MUC4: variants seen among roughly 807,000 people sequenced by gnomAD.
MUC4 encodes mucin 4, cell surface associated, also known as mucin-4.
Under a neutral mutation model 257.9 loss-of-function variants are expected in MUC4, and 202 were observed. The observed-to-expected ratio is 0.78, with a 90% CI of 0.70 to 0.88. The LOEUF is 0.88. Ranked by LOEUF, MUC4 falls within the 40% of genes least tolerant of loss-of-function variation. The pLI, the probability that MUC4 is intolerant of heterozygous loss-of-function variation, is 0.00. For synonymous variants in MUC4, 2,351 were observed against 2,757.1 expected (o/e 0.85, Z 4.62); for missense variants, 5,976 against 6,513.7 (o/e 0.92, Z 2.84).
At chr3:195,753,291 C>A (rs942806994) in intron 19 of MUC4, 61 bp from the exon 20 acceptor site, 4 of 1,522,996 alleles carry the variant, frequency 2.6e-6, no homozygotes, top group Non-Finnish European at 3.6e-6. Context: ...CGGCCCAGCC[C>A]GTGGAAACCC....
intron 15 of MUC4, 66 bp downstream of exon 15, chr3:195,761,418 G>A (rs1286345798): frequency 1.5e-6 from 2 of 1,355,372 alleles, no homozygotes; most frequent in Non-Finnish European, 2.1e-6. Flanking sequence ...AGGGCCGAGG[G>A]GGACGACATA....
chr3:195,758,726 CTTTT>C (rs55919005), intron 17 of MUC4, among the ~76,000 whole-genome samples: 12 of 135,146 alleles, frequency 8.9e-5, no homozygotes, highest in Non-Finnish European at 1.4e-4. Flanking sequence ...CCATGCCTGG[CTTTT>C]TTTTTTTTTT....
chr3:195,811,884 G>A lies in MUC4; in HGVS notation c.-67C>T. 1 of 1,490,250 alleles carries A rather than the reference G, an allele frequency of 6.7e-7. No individual in the cohort carries two copies. Among genetic ancestry groups the A allele is most frequent in the Non-Finnish European group, 9.3e-7 (1 of 1,076,670 alleles). The allele number at this position is 1,490,250 out of a possible 1,614,324, so 92.3% of individuals were successfully genotyped here. A position where few individuals can be genotyped will look rare whatever the true frequency, so the allele number is the denominator to read the frequency against. On this transcript the variant is annotated 5_prime_UTR_variant, in exon 1 of 25. Coordinates refer to ENST00000463781, the MANE Select transcript of MUC4 (RefSeq NM_018406.7). ...CGGCCCAGCAGCTGCAGTGTGAGGA[G>A]CAGACGTGAGCCCGTCCCCTCAGGC...
intron 5 of MUC4, chr3:195,771,002 T>C: frequency 2.8e-6 from 1 of 356,448 alleles, no homozygotes; most frequent in Non-Finnish European, 5.7e-6. Flanking sequence ...GGGGTATTCC[T>C]GGTCAGTCTC....
rs947551711 is a variant in MUC4, at chr3:195,755,873, G to A, written c.15168+1274C>T. Among the ~76,000 whole-genome samples the A allele has an allele frequency of 6.6e-6, 1 of 152,074 alleles. No homozygotes were observed. The highest frequency in any genetic ancestry group is 2.1e-4 in the South Asian group (1 of 4,826). On this transcript the variant is annotated intron_variant, in intron 18 of 24. Coordinates refer to ENST00000463781, the MANE Select transcript of MUC4 (RefSeq NM_018406.7). The surrounding 1 kb of genome is among the most constrained non-coding windows in gnomAD (Gnocchi z 5.0). Reference sequence around the variant, plus strand: ...GATGTGTGTGTGTGTCTGTGTGTGCGTGTGCATGCGTGTGTGTGTAAGTGG... The same window carrying A: ...GATGTGTGTGTGTGTCTGTGTGTGCATGTGCATGCGTGTGTGTGTAAGTGG...
At chr3:195,792,147 T>G (rs1262281881) in intron 1 of MUC4, among the ~76,000 whole-genome samples, 1 of 152,072 alleles carries the variant, frequency 6.6e-6, no homozygotes, top group African/African-American at 2.4e-5. Context: ...GGGATCTAAT[T>G]AAACTAAAGA....
chr3:195,767,906 ATCACCATCGCCACTGCCACCT>A (rs1721860824), intron 7 of MUC4, among the ~76,000 whole-genome samples: 1 of 127,988 alleles, frequency 7.8e-6, no homozygotes, highest in Admixed American at 7.2e-5. Flanking sequence ...CATCACCACC[ATCACCATCGCCACTGCCACCT>A]CCACCGCCAC....
At chr3:195,751,865 A>C in intron 21 of MUC4, 1 of 192,340 alleles carries the variant, frequency 5.2e-6, no homozygotes, top group Non-Finnish European at 1.1e-5. Flanking sequence ...CTCAGGTGCT[A>C]TGATTGTCCC....
At position 195,778,743 on chromosome 3, in the gene MUC4, C is replaced by A. The variant is rs748177056; in HGVS notation, c.12790+47G>T. The A allele has an allele frequency of 2.6e-6, 4 of 1,544,944 alleles. No homozygotes were observed. The South Asian group carries it at 3.6e-5, about 14-fold the overall frequency. ...CAGGTACTCCTTAGGCTGAATTCCG[C>A]CAAGGGGCCCACTGGGAGACATAAA... is the stretch of plus-strand genomic sequence containing the variant. On this transcript the variant is annotated intron_variant, in intron 2 of 24. Transcript: ENST00000463781.
chr3:195,783,018 A>C lies in MUC4; in HGVS notation c.8562T>G (p.Ala2854=). The change falls in exon 2 of 25, where the codon GCT becomes GCG. Residue 2854 remains alanine (A), a synonymous_variant. Transcript: ENST00000463781. The stretch of plus-strand genomic sequence containing the variant: ...TGGCGTGACCTGTGGACACTGAGGA[A>C]GCGTCGGTGACAGGAAGAGGGGTGG... ...GHTTPLPVTD[A]SSVSTGHATS... The C allele has an allele frequency of 8.1e-7, 1 of 1,227,274 alleles. No individual in the cohort carries two copies. The highest frequency in any genetic ancestry group is 2.3e-5 in the Admixed American group (1 of 42,804). The allele number at this position is 1,227,274 out of a possible 1,614,324, so 76.0% of individuals were successfully genotyped here.
rs1351210150 is a variant in MUC4 at position 195,747,379 on chromosome 3, A to T, written c.16036T>A (p.Cys5346Ser). 6.2e-7 allele frequency: 1 copy of T among 1,613,350 alleles called. No homozygotes were observed. The highest frequency in any genetic ancestry group is 8.5e-7 in the Non-Finnish European group (1 of 1,179,592). ...GCCGTGTAGATGGAGAAGGACACAC[A>T]GCTGGTGACCAAGAGAGACAGACAG... ...QHLPSGPRCSCVSFSIYTAWG... is the reference protein window; with the variant it reads ...QHLPSGPRCSSVSFSIYTAWG... Residue 5346 changes from cysteine (C) to serine (S), a missense_variant and splice_region_variant, in exon 25 of 25, where the codon TGT becomes AGT. By Grantham distance (112) the Cys-to-Ser change is moderately radical. This residue lies in a region of MUC4 where 310 missense variants were observed against 242.1 expected (regional missense o/e 1.28). Transcript: ENST00000463781.
chr3:195,749,289 G>A (rs1715855190), intron 23 of MUC4, among the ~76,000 whole-genome samples: 1 of 152,002 alleles, frequency 6.6e-6, no homozygotes, highest in Admixed American at 6.5e-5. Context: ...AAGGGATGGT[G>A]CTTCCTATGG....
In MUC4 at chr3:195,757,391, C is replaced by T. The variant is rs1717879751; in HGVS notation, c.14987-63G>A. On this transcript the variant is annotated intron_variant, in intron 17 of 24. Transcript: ENST00000463781. This position sits in a 1 kb window ranked among gnomAD's most constrained non-coding sequence, Gnocchi z 4.8. The stretch of plus-strand genomic sequence containing the variant: ...ACTCCTCGGCTCTGTGGTCTGATTG[C>T]TGATACGGGGCTTCCCCCACCCCTC... 7 of 1,476,524 alleles carry T rather than the reference C, an allele frequency of 4.7e-6. No homozygotes were observed. In the East Asian group the frequency reaches 1.4e-4, roughly 30 times the overall value. 91.5% of individuals were successfully genotyped at this position (1,476,524 alleles called of 1,614,324 possible).
intron 19 of MUC4, chr3:195,753,440 T>G: frequency 1.8e-6 from 1 of 561,812 alleles, no homozygotes. Context: ...TCCACTTTTG[T>G]GGAGGGACTG....
rs754252248 is a variant in MUC4, at chr3:195,760,942, G to A, written c.14790C>T (p.Ser4930=). 5.6e-6 allele frequency: 9 copies of A among 1,614,134 alleles called. No individual in the cohort carries two copies. The highest frequency in any genetic ancestry group is 7.6e-6 in the Non-Finnish European group (9 of 1,180,052). ...IYDTLALRNA[S]IGLHTREVSK... ...TGACTTCCCTCGTGTGAAGTCCGAT[G>A]CTTGCGTTGCGCAGGGCCAGGGTGT... The change falls in exon 16 of 25, where the codon AGC becomes AGT. Residue 4930 remains serine (S), a synonymous_variant. Transcript: ENST00000463781.
In MUC4 at chr3:195,784,296, A is replaced by T; in HGVS notation, c.7284T>A (p.Gly2428=). 7.0e-7 allele frequency: 1 copy of T among 1,418,628 alleles called. No individual in the cohort carries two copies. Among genetic ancestry groups the T allele is most frequent in the Non-Finnish European group, 9.5e-7 (1 of 1,048,978 alleles). 87.9% of individuals were successfully genotyped at this position (1,418,628 alleles called of 1,614,324 possible). The change falls in exon 2 of 25, where the codon GGT becomes GGA. Residue 2428 remains glycine (G), a synonymous_variant. Transcript: ENST00000463781. ...TGGTGACAGGAAGACGGGTGGTGTC[A>T]CCTGTGGAAGCTGAGGAAAGGCCGG... ...PVTGLSSAST[G]DTTRLPVTNV...
rs1158028615 is a variant in MUC4 at position 195,767,588 on chromosome 3, C to T, written c.13530-837G>A. 2.3e-3 allele frequency among the ~76,000 whole-genome samples: 253 copies of T among 108,718 alleles called. 2 individuals are homozygous for T. Among genetic ancestry groups the T allele is most frequent in the Middle Eastern group, 5.4e-3 (1 of 186 alleles). The allele number at this position is 108,718 out of a possible 152,430, so 71.3% of individuals were successfully genotyped here. ...GCCACCACCATCACCACCACCATCA[C>T]CACCACCACCATCATCACCATTGCC... On this transcript the variant is annotated intron_variant, in intron 7 of 24. Coordinates refer to ENST00000463781, the MANE Select transcript of MUC4 (RefSeq NM_018406.7).
intron 1 of MUC4, among the ~76,000 whole-genome samples, chr3:195,795,843 G>GA (rs1476026331): frequency 3.3e-5 from 2 of 60,370 alleles, no homozygotes; most frequent in African/African-American, 1.3e-4. Flanking sequence ...AAGAAAGTGG[G>GA]GGAGGGGGGT....
chr3:195,783,085 G>A lies in MUC4; in HGVS notation c.8495C>T (p.Ser2832Phe), dbSNP rs746987776. 6.4e-4 allele frequency: 468 copies of A among 735,726 alleles called. 14 individuals are homozygous for A. Among genetic ancestry groups the A allele is most frequent in the Non-Finnish European group, 1.5e-4 (78 of 516,390 alleles). 45.6% of individuals were successfully genotyped at this position (735,726 alleles called of 1,614,324 possible). Residue 2832 changes from serine (S) to phenylalanine (F), a missense_variant, in exon 2 of 25, where the codon TCT becomes TTT. Physicochemically the swap from Ser to Phe is radical, Grantham distance 155. Around this residue, in one of 44 missense-constraint regions of MUC4, gnomAD observed 228 missense variants for 206.3 expected, o/e 1.11. Coordinates refer to ENST00000463781, the MANE Select transcript of MUC4 (RefSeq NM_018406.7). ...ASSVFTGHAT[S>F]LPVTIPSSAS... The stretch of plus-strand genomic sequence containing the variant: ...TGAGGAAGGGATGGTGACAGGAAGA[G>A]AGGTGGCATGACCTGTGAACACTGA...
Sources: allele counts gnomAD v4.1 joint callset (sites outside exome capture counted in the v4.1 genomes callset), GRCh38; gene constraint gnomAD v4.1.1; regional missense constraint gnomAD v4.1.1; non-coding constraint Gnocchi (gnomAD v3.1); transcripts MANE v1.5; gene names NCBI Gene and HGNC (gene_info 2026-07-23, HGNC 2026-07-21).